The following CCNE1 variants were observed in gnomAD, a reference collection of about 807,000 sequenced individuals.
CCNE1 encodes the protein cyclin E1.
In CCNE1, 8 loss-of-function variants were observed where a neutral mutation model predicts 54.1. That is an observed-to-expected ratio of 0.15 (90% CI 0.09 to 0.27). CCNE1 has a LOEUF of 0.27. Ranked by LOEUF, CCNE1 falls within the 10% of genes least tolerant of loss-of-function variation. The pLI is 1.00. For synonymous variants in CCNE1, 179 were observed against 185.2 expected, an observed-to-expected ratio of 0.97 and a Z score of 0.27; for missense variants, 430 against 514.9, an observed-to-expected ratio of 0.84 and a Z score of 1.60.
chr19:29,815,537 T>G (rs1973992962), intron 4 of CCNE1, among the ~76,000 whole-genome samples: 1 of 151,968 alleles, frequency 6.6e-6, no homozygotes, highest in Non-Finnish European at 1.5e-5. Flanking sequence ...GTCTTCGAGG[T>G]AGCACTTACA....
chr19:29,813,678 C>A (rs971423874), intron 4 of CCNE1, among the ~76,000 whole-genome samples: 4 of 133,900 alleles, frequency 3.0e-5, no homozygotes, highest in Non-Finnish European at 7.0e-5. Flanking sequence ...TGTCTCAATA[C>A]ATTTTTTTTT....
rs1432925213 is a variant in CCNE1 at position 29,817,290 on chromosome 19, C to T, written c.326+8C>T. The T allele has an allele frequency of 6.2e-7, 1 of 1,614,028 alleles. No individual in the cohort carries two copies. The highest frequency in any genetic ancestry group is 8.5e-7 in the Non-Finnish European group (1 of 1,180,014). On this transcript the variant is annotated splice_region_variant and intron_variant, in intron 5 of 11. Coordinates refer to ENST00000262643, the MANE Select transcript of CCNE1 (RefSeq NM_001238.4). Reference sequence around the variant, plus strand: ...CCCGCTGCCTGTACTGAGGTCAGTGCCGACTCTGCCACATGGCTTCCAGGT... The same window carrying T: ...CCCGCTGCCTGTACTGAGGTCAGTGTCGACTCTGCCACATGGCTTCCAGGT...
At chr19:29,812,633 G>A (rs987795088) in intron 2 of CCNE1, 55 bp downstream of exon 2, 56 of 1,551,532 alleles carry the variant, frequency 3.6e-5, no homozygotes, top group Non-Finnish European at 4.6e-5. Flanking sequence ...GACGGGTGGC[G>A]TGGGGGAGGG....
chr19:29,815,974 G>A (rs1248800640), intron 4 of CCNE1, among the ~76,000 whole-genome samples: 2 of 151,600 alleles, frequency 1.3e-5, no homozygotes, highest in Admixed American at 6.6e-5. Context: ...GGACAACATG[G>A]CAAAACCCCA....
intron 4 of CCNE1, among the ~76,000 whole-genome samples, chr19:29,815,370 G>C (rs1018190788): frequency 6.6e-6 from 1 of 152,216 alleles, no homozygotes; most frequent in African/African-American, 2.4e-5. Context: ...AGCCTTGCTC[G>C]CACAGCTGTT....
intron 4 of CCNE1, among the ~76,000 whole-genome samples, chr19:29,814,160 G>A (rs1296249061): frequency 6.6e-6 from 1 of 151,892 alleles, no homozygotes; most frequent in African/African-American, 2.4e-5. Flanking sequence ...TTCAGAGACG[G>A]AAATGAGACG....
chr19:29,823,916 G>A lies in CCNE1; in HGVS notation c.*139G>A. 1 of 1,009,686 alleles carries A rather than the reference G, an allele frequency of 9.9e-7. No individual in the cohort carries two copies. 62.5% of individuals were successfully genotyped at this position (1,009,686 alleles called of 1,614,324 possible). Reference sequence around the variant, plus strand: ...CTTCCACAACAGAAGTATTTCTGTGGATGGCATCAAACAGGGCAAAGTGTT... The same window carrying A: ...CTTCCACAACAGAAGTATTTCTGTGAATGGCATCAAACAGGGCAAAGTGTT... On this transcript the variant is annotated 3_prime_UTR_variant, in exon 12 of 12. Transcript: ENST00000262643.
chr19:29,818,763 CTTT>C (rs34147702), intron 6 of CCNE1, among the ~76,000 whole-genome samples: 10 of 140,260 alleles, frequency 7.1e-5, no homozygotes, highest in Admixed American at 1.4e-4. Context: ...GACCCCATGT[CTTT>C]TTTTTTTTTT....
At chr19:29,822,193 A>G in intron 9 of CCNE1, 47 bp from the exon 10 acceptor site, 3 of 1,611,952 alleles carry the variant, frequency 1.9e-6, no homozygotes, top group Non-Finnish European at 2.5e-6. Flanking sequence ...GAACTCTAGA[A>G]TAGGCGTGTG....
rs1333385090 is a variant in CCNE1 at position 29,822,344 on chromosome 19, G to T, written c.945G>T (p.Lys315Asn). ...YHFSSSELMQ[K>N]VSGYQWCDIE... ...TCTCGTCATCTGAATTGATGCAAAA[G>T]GTTTCAGGTAAGTTGGCTTTCCAGT... Residue 315 changes from lysine to asparagine, a missense_variant, in exon 10 of 12, where the codon AAG becomes AAT. This residue lies in a region of CCNE1 where 303 missense variants were observed against 401.1 expected (regional missense o/e 0.76). Transcript: ENST00000262643. 1.2e-6 allele frequency: 2 copies of T among 1,613,932 alleles called. No homozygotes were observed. The highest frequency in any genetic ancestry group is 1.7e-5 in the Admixed American group (1 of 60,014).
intron 7 of CCNE1, 131 bp from the exon 8 acceptor site, chr19:29,821,591 C>G (rs1232109226): frequency 3.0e-3 from 487 of 161,896 alleles, no homozygotes; most frequent in Middle Eastern, 0.013. Context: ...GGTGTGGCTT[C>G]TGTGTTAATT....
chr19:29,815,534 AG>A (rs1464084409), intron 4 of CCNE1, among the ~76,000 whole-genome samples: 2 of 151,600 alleles, frequency 1.3e-5, no homozygotes, highest in African/African-American at 4.8e-5. Flanking sequence ...TGTGTCTTCG[AG>A]GTAGCACTTA....
chr19:29,823,551 G>GAAA, intron 11 of CCNE1, 104 bp from the exon 12 acceptor site: 4 of 846,720 alleles, frequency 4.7e-6, no homozygotes, highest in Non-Finnish European at 6.5e-6. Context: ...TCCATCTTGA[G>GAAA]AAAAAAAAAA....
chr19:29,820,905 A>T, intron 7 of CCNE1, 57 bp downstream of exon 7: 2 of 1,369,568 alleles, frequency 1.5e-6, no homozygotes, highest in Non-Finnish European at 2.1e-6. Context: ...AGCTCCACTG[A>T]GATTGGGGGA....
Position 29,812,097 on chromosome 19 carries a change from TCGCCGCCGC to T in CCNE1, c.-75_-67del, listed in dbSNP as rs1220833056. On this transcript the variant is annotated 5_prime_UTR_variant, in exon 1 of 12. Coordinates refer to ENST00000262643, the MANE Select transcript of CCNE1 (RefSeq NM_001238.4). ...CCCGGCGCCGCCGCCGCCACTGCCG[TCGCCGCCGC>T]CGCCTGCCGGGACTGGAGCGCGCCG... The T allele has an allele frequency of 6.9e-6, 1 of 144,364 alleles. No homozygotes were observed. The highest frequency in any genetic ancestry group is 2.5e-5 in the African/African-American group (1 of 40,074). The allele number at this position is 144,364 out of a possible 1,614,324, so 8.9% of individuals were successfully genotyped here.
rs573816218 is a variant in CCNE1, at chr19:29,814,468, G to A, written c.180+1431G>A. On this transcript the variant is annotated intron_variant, in intron 4 of 11. Transcript: ENST00000262643. The stretch of plus-strand genomic sequence containing the variant: ...CCACAGTGTGGATAGCTGTGCTGCC[G>A]GAATAGCCATACCATTTCCCACTAG... 1.6e-4 allele frequency among the ~76,000 whole-genome samples: 24 copies of A among 151,296 alleles called. 1 individual carries two copies. The highest frequency in any genetic ancestry group is 4.2e-4 in the African/African-American group (17 of 40,836).
intron 6 of CCNE1, 34 bp downstream of exon 6, chr19:29,817,575 G>T: frequency 6.2e-7 from 1 of 1,613,388 alleles, no homozygotes; most frequent in Non-Finnish European, 8.5e-7. Flanking sequence ...CTTCATGAAA[G>T]CACTGAGCAT....
chr19:29,817,675 T>G (rs1974056750), intron 6 of CCNE1, 134 bp downstream of exon 6: 1 of 905,778 alleles, frequency 1.1e-6, no homozygotes, highest in Non-Finnish European at 1.7e-6. Flanking sequence ...ATTTTTACTG[T>G]GGTGGTCTTT....
chr19:29,821,787 A>C lies in CCNE1; in HGVS notation c.675A>C (p.Glu225Asp). Residue 225 changes from glutamate (E) to aspartate (D), a missense_variant, in exon 8 of 12, where the codon GAA (glutamate) becomes GAC (aspartate). Glu to Asp is a conservative substitution (Grantham distance 45). This residue lies in a region of CCNE1 where 303 missense variants were observed against 401.1 expected (regional missense o/e 0.76). Coordinates refer to ENST00000262643, the MANE Select transcript of CCNE1 (RefSeq NM_001238.4). ...CAGATGGAGCTTGTTCAGGAGATGA[A>C]ATTCTCACCATGGAATTAATGATTA... is the stretch of plus-strand genomic sequence containing the variant. ...YVTDGACSGD[E>D]ILTMELMIMK... 6.2e-7 allele frequency: 1 copy of C among 1,612,884 alleles called. No homozygotes were observed. The highest frequency in any genetic ancestry group is 1.1e-5 in the South Asian group (1 of 91,040).
Sources: allele counts gnomAD v4.1 joint callset (sites outside exome capture counted in the v4.1 genomes callset), GRCh38; gene constraint gnomAD v4.1.1; regional missense constraint gnomAD v4.1.1; transcripts MANE v1.5; gene names NCBI Gene and HGNC (gene_info 2026-07-23, HGNC 2026-07-21).